ANO6: variants seen among roughly 807,000 people sequenced by gnomAD.
The protein encoded by ANO6 is anoctamin 6, also known as anoctamin-6.
A neutral mutation model predicts 117.5 loss-of-function variants in ANO6; 106 were observed. The observed-to-expected ratio is 0.90, with a 90% CI of 0.77 to 1.06. The LOEUF is 1.06. Ranked by LOEUF, ANO6 falls within the 50% of genes least tolerant of loss-of-function variation. The pLI is 0.00. For missense variants in ANO6, 955 were observed against 1,121.1 expected (o/e 0.85, Z 2.12); for synonymous variants, 367 against 385.1 (o/e 0.95, Z 0.55).
At chr12:45,223,784 C>A (rs1592834740) in intron 1 of ANO6, among the ~76,000 whole-genome samples, 1 of 152,112 alleles carries the variant, frequency 6.6e-6, no homozygotes, top group East Asian at 1.9e-4. Flanking sequence ...TTTCCTCATT[C>A]TCCTCTAAAA....
intron 1 of ANO6, among the ~76,000 whole-genome samples, chr12:45,277,538 A>G (rs1023179128): frequency 6.6e-6 from 1 of 152,088 alleles, no homozygotes; most frequent in Non-Finnish European, 1.5e-5. Flanking sequence ...GGAGCCCTAC[A>G]TTTATGTCTT....
intron 1 of ANO6, among the ~76,000 whole-genome samples, chr12:45,289,090 T>G (rs1939011735): frequency 6.6e-6 from 1 of 151,932 alleles, no homozygotes; most frequent in African/African-American, 2.4e-5. Context: ...GTACCCTAAT[T>G]GATTTAAGCA....
chr12:45,294,236 G>C (rs543328649), intron 1 of ANO6, among the ~76,000 whole-genome samples: 1 of 152,302 alleles, frequency 6.6e-6, no homozygotes, highest in Admixed American at 6.5e-5. Flanking sequence ...CATTATTCAA[G>C]AAGGGTAGCA....
At chr12:45,323,625 T>G (rs1376357608) in intron 2 of ANO6, among the ~76,000 whole-genome samples, 2 of 152,222 alleles carry the variant, frequency 1.3e-5, no homozygotes, top group Admixed American at 6.5e-5. Context: ...ACAATTACCC[T>G]GCCTTTCTAT....
chr12:45,349,345 AT>A (rs1444733929), intron 6 of ANO6, among the ~76,000 whole-genome samples: 1 of 152,112 alleles, frequency 6.6e-6, no homozygotes, highest in Non-Finnish European at 1.5e-5. Context: ...GATGGTTGAC[AT>A]TTTTTTAAGG....
At chr12:45,306,659 A>G (rs1299021262) in intron 2 of ANO6, among the ~76,000 whole-genome samples, 2 of 152,146 alleles carry the variant, frequency 1.3e-5, no homozygotes, top group Non-Finnish European at 2.9e-5. Context: ...ATCCCAAGGA[A>G]GAGTTAAAAT....
intron 3 of ANO6, among the ~76,000 whole-genome samples, chr12:45,334,376 G>A (rs1248241664): frequency 6.6e-6 from 1 of 152,018 alleles, no homozygotes; most frequent in African/African-American, 2.4e-5. Context: ...TTGGCTCAAT[G>A]AAGTCATTCC....
chr12:45,344,773 T>G (rs952535717), intron 3 of ANO6, among the ~76,000 whole-genome samples: 2 of 152,150 alleles, frequency 1.3e-5, no homozygotes, highest in Non-Finnish European at 2.9e-5. Flanking sequence ...TGGGCTCCTA[T>G]GTAAGAATCA....
intron 3 of ANO6, among the ~76,000 whole-genome samples, chr12:45,333,636 T>C (rs979315720): frequency 2.0e-5 from 3 of 152,052 alleles, no homozygotes; most frequent in Non-Finnish European, 4.4e-5. Flanking sequence ...AACTCATGGA[T>C]TGATATACCT....
chr12:45,392,077 G>A (rs1043621809), intron 12 of ANO6, among the ~76,000 whole-genome samples: 6 of 152,224 alleles, frequency 3.9e-5, no homozygotes, highest in South Asian at 2.1e-4. Context: ...ACAAGGGGTC[G>A]GGCGATTTCC....
intron 1 of ANO6, among the ~76,000 whole-genome samples, chr12:45,298,651 G>A (rs985436326): frequency 6.6e-6 from 1 of 152,112 alleles, no homozygotes; most frequent in Non-Finnish European, 1.5e-5. Context: ...CAGATTTACA[G>A]TTTTTTCTTT....
intron 1 of ANO6, among the ~76,000 whole-genome samples, chr12:45,275,406 C>T (rs1159219851): frequency 6.6e-6 from 1 of 152,080 alleles, no homozygotes; most frequent in East Asian, 1.9e-4. Context: ...GATGGGGTTT[C>T]ACCACATTGG....
At chr12:45,377,055 A>T (rs1244143509) in intron 9 of ANO6, among the ~76,000 whole-genome samples, 9 of 152,014 alleles carry the variant, frequency 5.9e-5, no homozygotes, top group Non-Finnish European at 1.3e-4. Context: ...TCCACTTTAC[A>T]TGAGTATGAA....
In ANO6 at chr12:45,409,423, G is replaced by A; in HGVS notation, c.1947G>A (p.Trp649Ter). 6.2e-7 allele frequency: 1 copy of A among 1,614,000 alleles called. No individual in the cohort carries two copies. Among genetic ancestry groups the A allele is most frequent in the Non-Finnish European group, 8.5e-7 (1 of 1,179,934 alleles). The change falls in exon 16 of 20, where the codon TGG (tryptophan) becomes TGA (stop). Residue 649 changes from tryptophan (W) to a stop codon, truncating the protein, a stop_gained. Transcript: ENST00000320560. LOFTEE classifies it high-confidence loss of function. Reference protein sequence around the residue: ...VSGSEKITPRWEQDYHLQPMG... With the variant: ...VSGSEKITPR ...GATCAGAAAAGATAACCCCACGATG[G>A]GAACAGGACTACCATCTGCAGCCTA...
At chr12:45,229,336 CTCTTT>C (rs1420336502) in intron 1 of ANO6, among the ~76,000 whole-genome samples, 1 of 150,230 alleles carries the variant, frequency 6.7e-6, no homozygotes, top group Admixed American at 6.6e-5. Context: ...CCATGTCAGC[CTCTTT>C]TCTTATTCTT....
chr12:45,366,612 C>T (rs910114546), intron 8 of ANO6, among the ~76,000 whole-genome samples: 2 of 152,154 alleles, frequency 1.3e-5, no homozygotes, highest in African/African-American at 4.8e-5. Context: ...CTTAACCTCT[C>T]CCATAATGCC....
intron 1 of ANO6, among the ~76,000 whole-genome samples, chr12:45,274,721 C>G (rs1439714636): frequency 1.3e-5 from 2 of 151,406 alleles, no homozygotes; most frequent in Non-Finnish European, 2.9e-5. Flanking sequence ...TCTTCTCTTC[C>G]TGCTCTGCGT....
chr12:45,388,407 A>G, intron 11 of ANO6, 104 bp downstream of exon 11: 1 of 1,429,684 alleles, frequency 7.0e-7, no homozygotes, highest in Non-Finnish European at 9.8e-7. Flanking sequence ...AAATATTGAT[A>G]CCTGAGTTCC....
intron 1 of ANO6, among the ~76,000 whole-genome samples, chr12:45,219,727 G>GCC (rs1267640581): frequency 6.6e-6 from 1 of 152,152 alleles, no homozygotes; most frequent in Admixed American, 6.5e-5. Context: ...CACTATGGAT[G>GCC]TCTTTTCCTT....
Sources: allele counts gnomAD v4.1 joint callset (sites outside exome capture counted in the v4.1 genomes callset), GRCh38; gene constraint gnomAD v4.1.1; transcripts MANE v1.5; gene names NCBI Gene and HGNC (gene_info 2026-07-23, HGNC 2026-07-21).